ADGRL2: variants seen among roughly 807,000 people sequenced by gnomAD.
The protein encoded by ADGRL2 is adhesion G protein-coupled receptor L2.
In ADGRL2, 44 loss-of-function variants were observed where a neutral mutation model predicts 157.4. The ratio of observed to expected loss-of-function variants is 0.28; its 90% CI spans 0.22 to 0.36. ADGRL2 has a LOEUF of 0.36. Among genes scored for constraint, ADGRL2 ranks in the 10% least tolerant of loss-of-function variants. ADGRL2 has a pLI of 1.00. For missense variants in ADGRL2, 1,510 were observed against 1,768.9 expected (o/e 0.85, Z 2.63); for synonymous variants, 585 against 624.7 (o/e 0.94, Z 0.95).
chr1:81,551,976 C>G (rs1350424510), intron 2 of ADGRL2, among the ~76,000 whole-genome samples: 2 of 152,148 alleles, frequency 1.3e-5, no homozygotes, highest in Non-Finnish European at 2.9e-5. Context: ...CTTTCCTGTT[C>G]CCTGAGTTTT....
chr1:81,746,801 C>T (rs1391710881), intron 1 of ADGRL2, among the ~76,000 whole-genome samples: 2 of 150,866 alleles, frequency 1.3e-5, no homozygotes, highest in East Asian at 3.9e-4. Context: ...ATTATTCTCT[C>T]TGAGAATTAG....
intron 2 of ADGRL2, among the ~76,000 whole-genome samples, chr1:81,860,662 G>T (rs1244454081): frequency 6.6e-6 from 1 of 152,136 alleles, no homozygotes; most frequent in Non-Finnish European, 1.5e-5. Flanking sequence ...TGGGATTTTG[G>T]ATTCTCTGAG....
intron 2 of ADGRL2, among the ~76,000 whole-genome samples, chr1:81,896,915 G>T (rs1466942212): frequency 1.3e-5 from 2 of 152,076 alleles, no homozygotes; most frequent in South Asian, 2.1e-4. Flanking sequence ...CCGTAAATTG[G>T]TCCTTTCCTA....
chr1:81,398,043 TG>T (rs1320895946), intron 1 of ADGRL2, among the ~76,000 whole-genome samples: 1 of 152,180 alleles, frequency 6.6e-6, no homozygotes, highest in East Asian at 1.9e-4. Context: ...TCTTGCTGAA[TG>T]GATCCCTTTA....
intron 2 of ADGRL2, among the ~76,000 whole-genome samples, chr1:81,461,957 A>T (rs1490402261): frequency 7.0e-6 from 1 of 141,870 alleles, no homozygotes; most frequent in East Asian, 2.0e-4. Flanking sequence ...GGAGAAAGAG[A>T]GAGACAAAGG....
At chr1:81,562,949 A>G (rs1181495063) in intron 2 of ADGRL2, among the ~76,000 whole-genome samples, 4 of 152,162 alleles carry the variant, frequency 2.6e-5, no homozygotes, top group Non-Finnish European at 4.4e-5. Context: ...CCATTCAACA[A>G]TATGTCTGTA....
intron 7 of ADGRL2, 105 bp downstream of exon 7, chr1:81,950,587 A>C: frequency 9.1e-7 from 1 of 1,104,566 alleles, no homozygotes; most frequent in Non-Finnish European, 1.3e-6. Context: ...ACAGTAGCTA[A>C]CTTTATTTTT....
chr1:81,838,673 C>G (rs1404287114), intron 2 of ADGRL2, among the ~76,000 whole-genome samples: 4 of 151,984 alleles, frequency 2.6e-5, no homozygotes, highest in Non-Finnish European at 5.9e-5. Flanking sequence ...ACCAATGGCT[C>G]ATTAGTCCAC....
intron 2 of ADGRL2, among the ~76,000 whole-genome samples, chr1:81,533,715 G>A (rs1166580768): frequency 1.3e-5 from 2 of 152,162 alleles, no homozygotes; most frequent in African/African-American, 4.8e-5. Context: ...ACAAATGTGT[G>A]TAAACTATAA....
At chr1:81,689,247 A>T (rs1006857983) in intron 3 of ADGRL2, among the ~76,000 whole-genome samples, 3 of 152,230 alleles carry the variant, frequency 2.0e-5, no homozygotes, top group African/African-American at 7.2e-5. Flanking sequence ...TTCTTTCCCT[A>T]GGATATCGTA....
chr1:81,775,401 G>C (rs990191297), intron 2 of ADGRL2, among the ~76,000 whole-genome samples: 1 of 152,096 alleles, frequency 6.6e-6, no homozygotes, highest in African/African-American at 2.4e-5. Context: ...ATCAAAGGCA[G>C]ATCTTCTGAC....
intron 2 of ADGRL2, among the ~76,000 whole-genome samples, chr1:81,509,625 A>G (rs1035354283): frequency 6.6e-6 from 1 of 152,240 alleles, no homozygotes; most frequent in Non-Finnish European, 1.5e-5. Context: ...TGTTAAAAAC[A>G]TGAATGAGAA....
chr1:81,384,630 A>T (rs965951867), intron 1 of ADGRL2, among the ~76,000 whole-genome samples: 1 of 152,244 alleles, frequency 6.6e-6, no homozygotes, highest in Non-Finnish European at 1.5e-5. Flanking sequence ...TATTTCAGCC[A>T]CTATCACGAT....
chr1:81,653,072 G>T (rs779068370), intron 3 of ADGRL2, among the ~76,000 whole-genome samples: 3 of 151,932 alleles, frequency 2.0e-5, no homozygotes, highest in African/African-American at 7.3e-5. Context: ...CTTTAAATTG[G>T]TAGTTAATCT....
At position 81,720,410 on chromosome 1, in the gene ADGRL2, A is replaced by T. The variant is rs147109856; in HGVS notation, c.-143+20602A>T. ...GTCTCAAACTCCTGAGCTCAAAGTG[A>T]TCCGCCTGCCTCGGCCTCCCAAAGT... is the stretch of plus-strand genomic sequence containing the variant. On this transcript the variant is annotated intron_variant, in intron 1 of 20. Coordinates refer to the ADGRL2 transcript ENST00000359929. Among the ~76,000 whole-genome samples the T allele has an allele frequency of 7.2e-3, 1,097 of 152,004 alleles. 9 individuals are homozygous for T. Among genetic ancestry groups the T allele is most frequent in the African/African-American group, 0.025 (1,040 of 41,446 alleles).
chr1:81,533,301 C>A (rs971954636), intron 2 of ADGRL2, among the ~76,000 whole-genome samples: 2 of 152,126 alleles, frequency 1.3e-5, no homozygotes, highest in African/African-American at 4.8e-5. Context: ...CTCACTTGAA[C>A]CCATGAGGCG....
intron 1 of ADGRL2, chr1:81,722,642 A>T (rs542683574): frequency 1.4e-6 from 2 of 1,389,966 alleles, no homozygotes; most frequent in South Asian, 1.2e-5. Flanking sequence ...TACGATGAAG[A>T]TGCTAGTACA....
chr1:81,798,574 A>T (rs536940767), upstream of ADGRL2, among the ~76,000 whole-genome samples: 375 of 151,936 alleles, frequency 2.5e-3, 2 homozygotes, highest in African/African-American at 8.8e-3. Context: ...GCATTTTTCT[A>T]GTTTGTATAA....
chr1:81,488,657 A>G (rs2078561700), intron 2 of ADGRL2, among the ~76,000 whole-genome samples: 1 of 152,078 alleles, frequency 6.6e-6, no homozygotes, highest in Non-Finnish European at 1.5e-5. Flanking sequence ...GCAGTAAGAA[A>G]GATCATGCTG....
Sources: allele counts gnomAD v4.1 joint callset (sites outside exome capture counted in the v4.1 genomes callset), GRCh38; gene constraint gnomAD v4.1.1; transcripts MANE v1.5; gene names NCBI Gene and HGNC (gene_info 2026-07-23, HGNC 2026-07-21).